Variants in IL16 observed in about 807,000 individuals in gnomAD.
IL16 encodes the protein interleukin 16.
IL16 carries 67 observed loss-of-function variants against 110.1 expected under a neutral mutation model. The ratio of observed to expected loss-of-function variants is 0.61; its 90% CI spans 0.50 to 0.75. The LOEUF is 0.75. Among genes scored for constraint, IL16 ranks in the 30% least tolerant of loss-of-function variants. The pLI, the probability that IL16 is intolerant of heterozygous loss-of-function variation, is 0.00. For missense variants in IL16, 1,545 were observed against 1,655.0 expected (o/e 0.93, Z 1.15); for synonymous variants, 689 against 662.9 (o/e 1.04, Z -0.61).
At position 81,290,487 on chromosome 15, in the gene IL16, A is replaced by G; in HGVS notation, c.1367A>G (p.Gln456Arg). The G allele has an allele frequency of 6.2e-7, 1 of 1,613,620 alleles. No homozygotes were observed. Among genetic ancestry groups the G allele is most frequent in the Non-Finnish European group, 8.5e-7 (1 of 1,179,754 alleles). The change falls in exon 11 of 19, where the codon CAG (glutamine) becomes CGG (arginine). Residue 456 changes from glutamine to arginine, a missense_variant. Physicochemically the swap from Gln to Arg is conservative, Grantham distance 43 (BLOSUM62 1). Coordinates refer to ENST00000683961, the MANE Select transcript of IL16 (RefSeq NM_172217.5). Reference protein sequence around the residue: ...SEQQLKEAVAQAVENTKFGKE... With the variant: ...SEQQLKEAVARAVENTKFGKE... Reference sequence around the variant, plus strand: ...CAGCAACTCAAAGAAGCTGTGGCCCAGGCTGTGGAAAACACCAAGTTTGGA... The same window carrying G: ...CAGCAACTCAAAGAAGCTGTGGCCCGGGCTGTGGAAAACACCAAGTTTGGA...
intron 2 of IL16, among the ~76,000 whole-genome samples, chr15:81,229,779 C>T (rs1427686643): frequency 6.6e-6 from 1 of 152,146 alleles, no homozygotes; most frequent in African/African-American, 2.4e-5. Context: ...CTCCCTGCCT[C>T]CCCTCGCCAG....
upstream of IL16, among the ~76,000 whole-genome samples, chr15:81,193,927 G>A (rs963917736): frequency 1.3e-5 from 2 of 152,086 alleles, no homozygotes; most frequent in African/African-American, 4.8e-5. Flanking sequence ...TACATTACTA[G>A]TTAAAATTGT....
Position 81,285,773 on chromosome 15 carries a change from G to C in IL16, c.1275G>C (p.Leu425=), listed in dbSNP as rs1473353005. The change falls in exon 10 of 19, where the codon CTG becomes CTC. Residue 425 remains leucine (L), a synonymous_variant. Coordinates refer to ENST00000683961, the MANE Select transcript of IL16 (RefSeq NM_172217.5). The part of the protein sequence containing the change: ...CLTLNEVYTI[L]SHCDPGPVPI... ...CGCTCAATGAAGTCTACACGATCCT[G>C]AGTCACTGTGATCCCGGTCCAGTCC... 8.1e-6 allele frequency: 13 copies of C among 1,614,140 alleles called. No individual in the cohort carries two copies. Among genetic ancestry groups the C allele is most frequent in the Non-Finnish European group, 1.0e-5 (12 of 1,179,992 alleles).
rs193249759 is a variant in IL16, at chr15:81,309,160, C to T, written c.*362C>T. The T allele has an allele frequency of 1.6e-3, 321 of 197,168 alleles. 2 individuals carry two copies. Among genetic ancestry groups the T allele is most frequent in the African/African-American group, 7.0e-3 (300 of 43,080 alleles). 12.2% of individuals were successfully genotyped at this position (197,168 alleles called of 1,614,324 possible). On this transcript the variant is annotated 3_prime_UTR_variant, in exon 19 of 19. Transcript: ENST00000683961. ...AACTGTGTCATGATTCACCCCCAAA[C>T]AGTGACATTTATTTTTCTCATGAAT...
At chr15:81,297,389 G>A (rs1900042156) in intron 13 of IL16, among the ~76,000 whole-genome samples, 1 of 152,144 alleles carries the variant, frequency 6.6e-6, no homozygotes, top group East Asian at 1.9e-4. Flanking sequence ...GCCATCCTGG[G>A]CAGCTACCTC....
rs538328768 is a variant in IL16 at position 81,191,367 on chromosome 15, C to G, written c.40+8471C>G. 9.2e-5 allele frequency among the ~76,000 whole-genome samples: 14 copies of G among 152,292 alleles called. No homozygotes were observed. In the South Asian group the frequency reaches 2.9e-3, roughly 32 times the overall value. ...CACATAAATTACGCTAAGGAAATGT[C>G]TGGAAGAGCTCTTTGTAAACTGAAA... On this transcript the variant is annotated intron_variant, in intron 1 of 18. Transcript: ENST00000302987.
At position 81,303,180 on chromosome 15, in the gene IL16, T is replaced by G. The variant is rs1038276968; in HGVS notation, c.3319-369T>G. ...ACAGCACTGACCCCTGTTTTGTTTT[T>G]TGTTGTTTTTTTTTTTTGTTTTGTT... On this transcript the variant is annotated intron_variant, in intron 15 of 18. Transcript: ENST00000683961. The surrounding 1 kb of genome is among the most constrained non-coding windows in gnomAD (Gnocchi z 4.1). 1.4e-5 allele frequency: 2 copies of G among 146,884 alleles called. No individual in the cohort carries two copies. Among genetic ancestry groups the G allele is most frequent in the Non-Finnish European group, 2.6e-5 (2 of 75,944 alleles). The allele number at this position is 146,884 out of a possible 1,614,324, so 9.1% of individuals were successfully genotyped here.
chr15:81,264,337 C>T (rs1012007797), intron 3 of IL16, among the ~76,000 whole-genome samples: 1 of 152,180 alleles, frequency 6.6e-6, no homozygotes, highest in Non-Finnish European at 1.5e-5. Context: ...CTCTCTGGGC[C>T]CCGATGGACC....
intron 1 of IL16, among the ~76,000 whole-genome samples, chr15:81,221,870 G>A (rs1896628172): frequency 6.6e-6 from 1 of 152,130 alleles, no homozygotes; most frequent in Admixed American, 6.5e-5. Context: ...AAAGCTGCCG[G>A]TACTCATCAG....
intron 6 of IL16, among the ~76,000 whole-genome samples, chr15:81,278,495 G>A (rs1298636644): frequency 6.6e-6 from 1 of 152,208 alleles, no homozygotes; most frequent in Non-Finnish European, 1.5e-5. Context: ...AATGATGCAT[G>A]GGAGCAAATG....
chr15:81,270,939 G>A (rs1025187335), intron 5 of IL16, among the ~76,000 whole-genome samples: 15 of 152,112 alleles, frequency 9.9e-5, no homozygotes, highest in African/African-American at 3.1e-4. Context: ...CCAAGATCTC[G>A]TCACTAACAG....
chr15:81,239,569 G>A (rs1001859825), intron 2 of IL16, among the ~76,000 whole-genome samples: 2 of 152,204 alleles, frequency 1.3e-5, no homozygotes, highest in Non-Finnish European at 2.9e-5. Flanking sequence ...TGCTGCCCCT[G>A]AAGATGAACT....
chr15:81,251,531 C>G (rs1179156540), intron 2 of IL16, among the ~76,000 whole-genome samples: 2 of 152,130 alleles, frequency 1.3e-5, no homozygotes, highest in African/African-American at 4.8e-5. Flanking sequence ...TCCATGTTTT[C>G]TATTACAAAC....
chr15:81,273,756 G>A (rs1427158670), intron 6 of IL16, among the ~76,000 whole-genome samples: 1 of 152,096 alleles, frequency 6.6e-6, no homozygotes, highest in African/African-American at 2.4e-5. Flanking sequence ...AAGAGCTCAT[G>A]ATCTGCCACA....
chr15:81,282,825 C>T (rs780696296), intron 9 of IL16, 69 bp downstream of exon 9: 14 of 1,162,378 alleles, frequency 1.2e-5, no homozygotes, highest in Admixed American at 6.8e-5. Context: ...CTTAGAATGT[C>T]GGGAGATTGA....
chr15:81,306,841 T>C (rs1333734999), intron 18 of IL16: 1 of 439,434 alleles, frequency 2.3e-6, no homozygotes, highest in African/African-American at 2.0e-5. Context: ...CACTGGCCTG[T>C]GGGGCAGAAT....
intron 2 of IL16, among the ~76,000 whole-genome samples, chr15:81,245,633 T>C (rs1336855176): frequency 6.7e-6 from 1 of 150,316 alleles, no homozygotes; most frequent in African/African-American, 2.4e-5. Context: ...TTTTCTTTGG[T>C]GGAGTGGAGC....
intron 2 of IL16, among the ~76,000 whole-genome samples, chr15:81,234,276 A>G (rs927975030): frequency 7.2e-5 from 11 of 151,960 alleles, no homozygotes; most frequent in Admixed American, 5.2e-4. Flanking sequence ...ATGTGTTTGG[A>G]TCTATGTGTA....
In IL16 at chr15:81,207,255, AAAAAAACAAAAAAAAG is replaced by A. The variant is rs1368036007; in HGVS notation, c.-102+10108_-102+10123del. Among the ~76,000 whole-genome samples the A allele has an allele frequency of 4.5e-4, 69 of 151,712 alleles. 1 individual carries two copies. Among genetic ancestry groups the A allele is most frequent in the African/African-American group, 1.4e-3 (57 of 41,338 alleles). ...TCTGTCTCAAAAAAAACAAAAAAAA[AAAAAAACAAAAAAAAG>A]AAAAGAAAAAAGAAATTTACATCCA... On this transcript the variant is annotated intron_variant, in intron 1 of 18. Coordinates refer to ENST00000683961, the MANE Select transcript of IL16 (RefSeq NM_172217.5).
Sources: gnomAD v4.1 joint callset for allele counts (sites outside exome capture counted in the v4.1 genomes callset) on GRCh38, gnomAD v4.1.1 for gene constraint, Gnocchi (gnomAD v3.1) non-coding constraint, MANE v1.5 for transcripts, NCBI Gene and HGNC (gene_info 2026-07-23, HGNC 2026-07-21) for gene names.